NDUFA12: variants seen among roughly 807,000 people sequenced by gnomAD.
NDUFA12 encodes the protein NADH:ubiquinone oxidoreductase subunit A12, also known as NADH dehydrogenase [ubiquinone] 1 alpha subcomplex subunit 12.
A neutral mutation model predicts 20.3 loss-of-function variants in NDUFA12; 17 were observed. That is an observed-to-expected ratio of 0.84 (90% CI 0.57 to 1.26). The LOEUF is 1.26. Among genes scored for constraint, NDUFA12 ranks in the 50% most tolerant of loss-of-function variants. NDUFA12 has a pLI of 0.00. For missense variants in NDUFA12, 191 were observed against 183.7 expected (o/e 1.04, Z -0.23); for synonymous variants, 72 against 63.6 (o/e 1.13, Z -0.63).
intron 3 of NDUFA12, among the ~76,000 whole-genome samples, chr12:94,991,275 A>G (rs1874634273): frequency 6.6e-6 from 1 of 152,014 alleles, no homozygotes; most frequent in Admixed American, 6.6e-5. Context: ...CCGTCTCAAA[A>G]TAATAATAAT....
chr12:95,001,141 T>TA (rs1200474483), intron 2 of NDUFA12, among the ~76,000 whole-genome samples: 5 of 151,068 alleles, frequency 3.3e-5, no homozygotes, highest in Admixed American at 6.6e-5. Context: ...CCCATCTCTT[T>TA]AAAAAAATTA....
At chr12:94,976,208 C>T (rs1294299453) in intron 3 of NDUFA12, among the ~76,000 whole-genome samples, 2 of 152,126 alleles carry the variant, frequency 1.3e-5, no homozygotes, top group Admixed American at 1.3e-4. Flanking sequence ...CTTATAACAA[C>T]TCGTGATAAA....
intron 3 of NDUFA12, among the ~76,000 whole-genome samples, chr12:94,993,848 C>T (rs868803945): frequency 3.9e-5 from 6 of 151,946 alleles, no homozygotes; most frequent in Middle Eastern, 6.8e-3. Flanking sequence ...ACAGGAGAAT[C>T]GCTTGAACCT....
chr12:94,981,081 T>C (rs765466018), intron 3 of NDUFA12, among the ~76,000 whole-genome samples: 7 of 151,824 alleles, frequency 4.6e-5, no homozygotes, highest in East Asian at 1.9e-4. Flanking sequence ...AAAATTGGCA[T>C]TGAACAAAAT....
At chr12:95,002,946 A>G (rs901520083) in intron 1 of NDUFA12, 125 bp from the exon 2 acceptor site, 11 of 797,024 alleles carry the variant, frequency 1.4e-5, no homozygotes, top group East Asian at 2.5e-5. Flanking sequence ...AAAATGAAGA[A>G]GTGCTGGGGA....
intron 3 of NDUFA12, among the ~76,000 whole-genome samples, chr12:94,972,741 CATA>C (rs1206022113): frequency 6.6e-6 from 1 of 152,114 alleles, no homozygotes; most frequent in East Asian, 1.9e-4. Flanking sequence ...ATATTTCAGT[CATA>C]AGTGCTTAAC....
At chr12:94,996,235 A>G (rs1874826157) in intron 2 of NDUFA12, among the ~76,000 whole-genome samples, 2 of 151,914 alleles carry the variant, frequency 1.3e-5, no homozygotes, top group Non-Finnish European at 1.5e-5. Flanking sequence ...TTAAATATAC[A>G]TAAAGACTAA....
intron 1 of NDUFA12, among the ~76,000 whole-genome samples, 154 bp from the exon 2 acceptor site, chr12:95,002,975 C>G (rs558217863): frequency 9.7e-4 from 148 of 152,342 alleles, no homozygotes; most frequent in African/African-American, 3.4e-3. Flanking sequence ...GATGAATTGA[C>G]AACTGATGTG....
At chr12:94,998,378 C>A (rs7312863) in intron 2 of NDUFA12, among the ~76,000 whole-genome samples, 1 of 151,880 alleles carries the variant, frequency 6.6e-6, no homozygotes, top group African/African-American at 2.4e-5. Flanking sequence ...AACATCATAC[C>A]GAATGGGGAA....
rs116550316 is a variant in NDUFA12 at position 94,972,362 on chromosome 12, C to T, written c.258-742G>A. ...TTATAATATGTATCCTAATTTTAGA[C>T]GTGGAAATGCATTTTAGAACTGATA... On this transcript the variant is annotated intron_variant, in intron 3 of 3. Coordinates refer to ENST00000327772, the MANE Select transcript of NDUFA12 (RefSeq NM_018838.5). The T allele has an allele frequency of 4.4e-3, 1,630 of 367,888 alleles. 20 individuals carry two copies. The highest frequency in any genetic ancestry group is 0.032 in the African/African-American group (1,491 of 47,168). The allele number at this position is 367,888 out of a possible 1,614,324, so 22.8% of individuals were successfully genotyped here.
rs538283127 is a variant in NDUFA12 at position 95,002,179 on chromosome 12, C to T, written c.169+560G>A. On this transcript the variant is annotated intron_variant, in intron 2 of 3. Transcript: ENST00000327772. ...ACTCAAGGCTGGACGCAGTGGCTCA[C>T]GCCTGTAATCCCAGCACTTTGGGGG... is the stretch of plus-strand genomic sequence containing the variant. 5.9e-5 allele frequency among the ~76,000 whole-genome samples: 9 copies of T among 151,496 alleles called. No homozygotes were observed. The South Asian group carries it at 1.3e-3, about 21-fold the overall frequency.
chr12:94,977,435 A>G (rs191712150), intron 3 of NDUFA12, among the ~76,000 whole-genome samples: 14 of 151,816 alleles, frequency 9.2e-5, no homozygotes, highest in African/African-American at 3.1e-4. Context: ...TCACGGCACT[A>G]CACTTGGCCT....
At chr12:94,986,384 A>G (rs978232500) in intron 3 of NDUFA12, among the ~76,000 whole-genome samples, 8 of 152,198 alleles carry the variant, frequency 5.3e-5, no homozygotes, top group African/African-American at 1.7e-4. Flanking sequence ...TCTACTGCAC[A>G]GAATGGTGAC....
chr12:94,986,625 C>T (rs1306975836), intron 3 of NDUFA12, among the ~76,000 whole-genome samples: 1 of 77,454 alleles, frequency 1.3e-5, no homozygotes, highest in African/African-American at 5.5e-5. Context: ...TGTGAGACCC[C>T]TATCTCCTAA....
intron 3 of NDUFA12, among the ~76,000 whole-genome samples, chr12:94,976,030 AAAAAG>A (rs1874053457): frequency 6.6e-6 from 1 of 152,174 alleles, no homozygotes; most frequent in Non-Finnish European, 1.5e-5. Context: ...CCATTTCTAA[AAAAAG>A]AGAAGAGAGA....
chr12:94,998,730 C>T (rs1026387574), intron 2 of NDUFA12, among the ~76,000 whole-genome samples: 1 of 151,922 alleles, frequency 6.6e-6, no homozygotes, highest in Non-Finnish European at 1.5e-5. Context: ...CCCTTTTACA[C>T]CAGCTGCAAA....
chr12:94,985,531 G>A (rs1043057873), intron 3 of NDUFA12, among the ~76,000 whole-genome samples: 7 of 149,174 alleles, frequency 4.7e-5, no homozygotes, highest in African/African-American at 1.7e-4. Flanking sequence ...GGAGGCTGAG[G>A]CAGGAGAATG....
chr12:95,000,887 G>C (rs1019672653), intron 2 of NDUFA12, among the ~76,000 whole-genome samples: 1 of 152,086 alleles, frequency 6.6e-6, no homozygotes. Context: ...TCCAAAACAC[G>C]TATACATATG....
chr12:94,985,832 C>T (rs1874416350), intron 3 of NDUFA12, among the ~76,000 whole-genome samples: 1 of 152,044 alleles, frequency 6.6e-6, no homozygotes, highest in Admixed American at 6.6e-5. Context: ...CACCTGTAAT[C>T]CCAGCACTCT....
Sources: gnomAD v4.1 joint callset for allele counts (sites outside exome capture counted in the v4.1 genomes callset) on GRCh38, gnomAD v4.1.1 for gene constraint, MANE v1.5 for transcripts, NCBI Gene and HGNC (gene_info 2026-07-23, HGNC 2026-07-21) for gene names.